The following NFIA variants were observed in gnomAD, a reference collection of about 807,000 sequenced individuals.
NFIA encodes nuclear factor 1 A-type.
In NFIA, 8 loss-of-function variants were observed where a neutral mutation model predicts 62.8. The ratio of observed to expected loss-of-function variants is 0.13; its 90% CI spans 0.07 to 0.23. The LOEUF (loss-of-function observed/expected upper bound fraction) is 0.23, where lower values mean the gene tolerates loss of function less well. Ranked by LOEUF, NFIA falls within the 10% of genes least tolerant of loss-of-function variation. The pLI is 1.00. For synonymous variants in NFIA, 235 were observed against 238.1 expected (o/e 0.99, Z 0.12); for missense variants, 410 against 642.1 (o/e 0.64, Z 3.91).
At chr1:61,317,915 A>G (rs1660455215) in intron 3 of NFIA, among the ~76,000 whole-genome samples, 1 of 152,178 alleles carries the variant, frequency 6.6e-6, no homozygotes, top group African/African-American at 2.4e-5. Flanking sequence ...TGAAGTAAGT[A>G]TAATCATTAG....
chr1:61,290,371 A>C (rs1421335473), intron 3 of NFIA, among the ~76,000 whole-genome samples: 1 of 152,196 alleles, frequency 6.6e-6, no homozygotes, highest in Non-Finnish European at 1.5e-5. Flanking sequence ...TGTGCAGTAC[A>C]ATAGAAATTT....
At chr1:61,444,291 C>T (rs965960877) in intron 10 of NFIA, among the ~76,000 whole-genome samples, 3 of 152,218 alleles carry the variant, frequency 2.0e-5, no homozygotes, top group Non-Finnish European at 4.4e-5. Flanking sequence ...CTCCTGGCCC[C>T]TGCCCTGCCT....
chr1:61,146,728 A>G (rs1225815394), intron 2 of NFIA, among the ~76,000 whole-genome samples: 2 of 151,150 alleles, frequency 1.3e-5, no homozygotes, highest in African/African-American at 2.4e-5. Context: ...CATACCCTCC[A>G]CCCCCACATG....
chr1:61,335,710 C>T (rs546333142), intron 4 of NFIA, among the ~76,000 whole-genome samples: 10 of 152,042 alleles, frequency 6.6e-5, no homozygotes, highest in South Asian at 4.2e-4. Flanking sequence ...GGTGTGGTGT[C>T]GGGCGCCTGT....
chr1:61,425,718 C>G (rs952165705), intron 9 of NFIA, among the ~76,000 whole-genome samples: 1 of 152,136 alleles, frequency 6.6e-6, no homozygotes, highest in Non-Finnish European at 1.5e-5. Context: ...ATACAAAAAC[C>G]AACAACAAAA....
intron 9 of NFIA, among the ~76,000 whole-genome samples, chr1:61,420,798 G>A (rs774409152): frequency 2.0e-5 from 3 of 152,130 alleles, no homozygotes; most frequent in Non-Finnish European, 4.4e-5. Flanking sequence ...ATGTCTAGTT[G>A]CCTTAACAGT....
In NFIA at chr1:61,460,346, C is replaced by T. The variant is rs1668481841; in HGVS notation, c.*5026C>T. 1 of 152,162 alleles carries T rather than the reference C, an allele frequency of 6.6e-6. No homozygotes were observed. Among genetic ancestry groups the T allele is most frequent in the East Asian group, 1.9e-4 (1 of 5,200 alleles). 9.4% of individuals were successfully genotyped at this position (152,162 alleles called of 1,614,324 possible). The stretch of plus-strand genomic sequence containing the variant: ...GTAACATTGAAGCTATTCCATAGCA[C>T]TTAACTGTAGTGAATACTGTGTCAC... On this transcript the variant is annotated 3_prime_UTR_variant, in exon 11 of 11. Transcript: ENST00000403491.
At chr1:61,191,217 A>G (rs2100575221) in intron 2 of NFIA, among the ~76,000 whole-genome samples, 1 of 152,264 alleles carries the variant, frequency 6.6e-6, no homozygotes, top group South Asian at 2.1e-4. Context: ...CTTGAGCATT[A>G]TTGAAATTTG....
At chr1:61,422,632 A>G (rs187510885) in intron 9 of NFIA, among the ~76,000 whole-genome samples, 2 of 151,954 alleles carry the variant, frequency 1.3e-5, no homozygotes, top group East Asian at 1.9e-4. Context: ...GACATCCGCC[A>G]TGATAAACAG....
intron 5 of NFIA, among the ~76,000 whole-genome samples, chr1:61,357,846 T>C (rs1663046172): frequency 6.6e-6 from 1 of 152,146 alleles, no homozygotes; most frequent in South Asian, 2.1e-4. Context: ...TCCCAGTAGA[T>C]ATGAAATCTA....
intron 10 of NFIA, among the ~76,000 whole-genome samples, chr1:61,432,551 C>T (rs1323892091): frequency 6.6e-6 from 1 of 150,892 alleles, no homozygotes; most frequent in African/African-American, 2.4e-5. Flanking sequence ...GTTACAAAGA[C>T]AAGAAACTCA....
intron 2 of NFIA, among the ~76,000 whole-genome samples, chr1:61,132,223 C>T (rs917755511): frequency 1.3e-5 from 2 of 152,142 alleles, no homozygotes; most frequent in African/African-American, 2.4e-5. Context: ...CAGCACTGAA[C>T]GTCAAGCCAG....
chr1:61,190,683 G>A (rs1017845997), intron 2 of NFIA, among the ~76,000 whole-genome samples: 3 of 152,296 alleles, frequency 2.0e-5, no homozygotes, highest in African/African-American at 7.2e-5. Flanking sequence ...ATGACCTGTA[G>A]TTACACAGTT....
upstream of NFIA, among the ~76,000 whole-genome samples, chr1:61,081,029 ACT>A (rs1231507312): frequency 1.3e-5 from 2 of 151,784 alleles, no homozygotes; most frequent in Non-Finnish European, 2.9e-5. Context: ...CTCTTTAGAG[ACT>A]CTCTGGTTAT....
At chr1:61,410,418 C>A (rs577173636) in intron 9 of NFIA, among the ~76,000 whole-genome samples, 4 of 152,140 alleles carry the variant, frequency 2.6e-5, no homozygotes, top group Non-Finnish European at 5.9e-5. Flanking sequence ...TTCTGTTTAT[C>A]TTGTCAGCTT....
intron 3 of NFIA, among the ~76,000 whole-genome samples, chr1:61,287,380 TA>T (rs1658571025): frequency 6.6e-6 from 1 of 152,248 alleles, no homozygotes; most frequent in Non-Finnish European, 1.5e-5. Context: ...CCCAATTGTG[TA>T]AACAATTATT....
intron 6 of NFIA, among the ~76,000 whole-genome samples, chr1:61,363,923 T>C (rs1663442873): frequency 6.6e-6 from 1 of 150,748 alleles, no homozygotes; most frequent in Non-Finnish European, 1.5e-5. Context: ...AACACTGTTT[T>C]GCTTTCTTTA....
intron 3 of NFIA, among the ~76,000 whole-genome samples, chr1:61,301,928 A>G (rs1371225599): frequency 6.6e-6 from 1 of 152,232 alleles, no homozygotes; most frequent in African/African-American, 2.4e-5. Flanking sequence ...GGCAGCACTT[A>G]GCCGCTGCTG....
At chr1:61,427,492 C>G (rs1027934056) in intron 10 of NFIA, among the ~76,000 whole-genome samples, 2 of 152,170 alleles carry the variant, frequency 1.3e-5, no homozygotes, top group Non-Finnish European at 2.9e-5. Context: ...TGTGCACATG[C>G]CTGTGTGTGG....
Sources: gnomAD v4.1 joint callset for allele counts (sites outside exome capture counted in the v4.1 genomes callset) on GRCh38, gnomAD v4.1.1 for gene constraint, MANE v1.5 for transcripts, NCBI Gene and HGNC (gene_info 2026-07-23, HGNC 2026-07-21) for gene names.